LMBR1: variants seen among roughly 807,000 people sequenced by gnomAD.
LMBR1 encodes the protein limb region 1 protein homolog.
In LMBR1, 52 loss-of-function variants were observed where a neutral mutation model predicts 73.9. That is an observed-to-expected ratio of 0.70 (90% confidence interval 0.56 to 0.89). The LOEUF (loss-of-function observed/expected upper bound fraction) is 0.89. Ranked by LOEUF, LMBR1 falls within the 40% of genes least tolerant of loss-of-function variation. The pLI is 0.00. For synonymous variants in LMBR1, 215 were observed against 209.4 expected (o/e 1.03, Z -0.23); for missense variants, 539 against 579.8 (o/e 0.93, Z 0.72).
chr7:156,890,424 A>G (rs1802695216), intron 1 of LMBR1, among the ~76,000 whole-genome samples: 1 of 152,350 alleles, frequency 6.6e-6, no homozygotes, highest in South Asian at 2.1e-4. Context: ...TGTGCAGTAT[A>G]TATTTCTGAC....
intron 4 of LMBR1, among the ~76,000 whole-genome samples, chr7:156,672,283 G>A (rs1802710147): frequency 6.6e-6 from 1 of 152,104 alleles, no homozygotes; most frequent in African/African-American, 2.4e-5. Flanking sequence ...GGGTTTAAAG[G>A]CAGGGTGTGA....
chr7:156,889,662 C>T (rs965898705), intron 1 of LMBR1, among the ~76,000 whole-genome samples: 4 of 152,144 alleles, frequency 2.6e-5, no homozygotes, highest in African/African-American at 9.7e-5. Context: ...GGTACCAAAA[C>T]CGTTTTCAGG....
At chr7:156,803,903 A>G (rs900401481) in intron 4 of LMBR1, among the ~76,000 whole-genome samples, 2 of 150,534 alleles carry the variant, frequency 1.3e-5, no homozygotes, top group Non-Finnish European at 3.0e-5. Context: ...ACAAAAAACC[A>G]AACACCGCAT....
intron 9 of LMBR1, among the ~76,000 whole-genome samples, chr7:156,749,754 A>T (rs938399918): frequency 6.6e-6 from 1 of 152,058 alleles, no homozygotes; most frequent in Non-Finnish European, 1.5e-5. Context: ...CAATGGCGTG[A>T]TCTCGGCTCA....
chr7:156,781,537 T>C (rs1228991630), intron 5 of LMBR1, among the ~76,000 whole-genome samples: 1 of 152,186 alleles, frequency 6.6e-6, no homozygotes. Context: ...ATTTTTCCAT[T>C]GAAAATCAGC....
At chr7:156,864,090 G>A (rs1195286441) in intron 1 of LMBR1, among the ~76,000 whole-genome samples, 1 of 152,074 alleles carries the variant, frequency 6.6e-6, no homozygotes, top group Non-Finnish European at 1.5e-5. Flanking sequence ...GGAAGTGGAG[G>A]TTGCAGTGAG....
At chr7:156,727,107 T>C (rs920634223) in intron 12 of LMBR1, among the ~76,000 whole-genome samples, 7 of 152,220 alleles carry the variant, frequency 4.6e-5, no homozygotes, top group African/African-American at 1.2e-4. Flanking sequence ...TCTTTTGTTA[T>C]AGGCATCTCA....
At chr7:156,810,413 G>A (rs1223780374) in intron 4 of LMBR1, among the ~76,000 whole-genome samples, 2 of 151,982 alleles carry the variant, frequency 1.3e-5, no homozygotes, top group Non-Finnish European at 2.9e-5. Flanking sequence ...CTTTTTTTGA[G>A]ATAGTGTCTC....
intron 15 of LMBR1, among the ~76,000 whole-genome samples, chr7:156,719,444 A>C (rs1814011809): frequency 6.6e-6 from 1 of 152,066 alleles, no homozygotes; most frequent in Non-Finnish European, 1.5e-5. Context: ...ATAAACATTG[A>C]AATAAAAGAG....
intron 1 of LMBR1, among the ~76,000 whole-genome samples, chr7:156,888,327 A>G (rs998435334): frequency 2.7e-5 from 4 of 150,584 alleles, no homozygotes; most frequent in Non-Finnish European, 4.4e-5. Context: ...GGAGAATGGC[A>G]TGAACCGGGG....
At chr7:156,827,171 A>G (rs185302962) in intron 3 of LMBR1, among the ~76,000 whole-genome samples, 333 of 152,296 alleles carry the variant, frequency 2.2e-3, no homozygotes, top group African/African-American at 7.6e-3. Flanking sequence ...AAAAAAACAA[A>G]TTAATTTAAA....
intron 9 of LMBR1, among the ~76,000 whole-genome samples, chr7:156,739,870 C>A (rs2132573360): frequency 6.6e-6 from 1 of 152,184 alleles, no homozygotes; most frequent in South Asian, 2.1e-4. Flanking sequence ...TCAAGACCAT[C>A]CAGGAAAACA....
intron 5 of LMBR1, among the ~76,000 whole-genome samples, chr7:156,773,611 C>T (rs973778955): frequency 3.9e-5 from 6 of 152,084 alleles, no homozygotes; most frequent in African/African-American, 1.4e-4. Flanking sequence ...AGGATTCCCT[C>T]TTCAATAAAT....
chr7:156,756,555 G>A, intron 8 of LMBR1, 90 bp from the exon 9 acceptor site: 15 of 670,286 alleles, frequency 2.2e-5, no homozygotes, highest in East Asian at 5.6e-5. Context: ...ATTTATTTTA[G>A]GTAACGTATT....
intron 5 of LMBR1, among the ~76,000 whole-genome samples, chr7:156,790,410 C>G (rs562055167): frequency 6.6e-6 from 1 of 152,054 alleles, no homozygotes; most frequent in East Asian, 1.9e-4. Context: ...TGAAATATGC[C>G]CTAAGTCACA....
At chr7:156,816,858 A>G (rs1833995199) in intron 4 of LMBR1, among the ~76,000 whole-genome samples, 1 of 152,172 alleles carries the variant, frequency 6.6e-6, no homozygotes. Context: ...AATTTTGATA[A>G]ATCATTCTTA....
intron 15 of LMBR1, among the ~76,000 whole-genome samples, chr7:156,699,740 A>T (rs1324809231): frequency 1.3e-5 from 2 of 152,164 alleles, no homozygotes; most frequent in Non-Finnish European, 2.9e-5. Context: ...AAGTGGGCAA[A>T]GGATATGAAC....
intron 9 of LMBR1, among the ~76,000 whole-genome samples, chr7:156,734,752 T>A (rs746679171): frequency 6.6e-6 from 1 of 152,222 alleles, no homozygotes; most frequent in Non-Finnish European, 1.5e-5. Flanking sequence ...CAACTTGGGC[T>A]TACTATAGAA....
At chr7:156,731,819 G>A (rs1302324600) in intron 10 of LMBR1, among the ~76,000 whole-genome samples, 1 of 151,736 alleles carries the variant, frequency 6.6e-6, no homozygotes, top group African/African-American at 2.4e-5. Flanking sequence ...CTCATGCCCA[G>A]CAGGAATGCA....
Sources: allele counts gnomAD v4.1 joint callset (sites outside exome capture counted in the v4.1 genomes callset), GRCh38; gene constraint gnomAD v4.1.1; transcripts MANE v1.5; gene names NCBI Gene and HGNC (gene_info 2026-07-23, HGNC 2026-07-21).